Variants in NAV2 observed in about 807,000 individuals in gnomAD.
NAV2 encodes helicase, APC down-regulated 1.
In NAV2, 54 loss-of-function variants were observed where a neutral mutation model predicts 223.2. The observed-to-expected ratio is 0.24, with a 90% CI of 0.19 to 0.30. The LOEUF is 0.30. Among genes scored for constraint, NAV2 ranks in the 10% least tolerant of loss-of-function variants. The pLI, the probability that NAV2 is intolerant of heterozygous loss-of-function variation, is 1.00. For synonymous variants in NAV2, 1,279 were observed against 1,239.3 expected (o/e 1.03, Z -0.67); for missense variants, 2,806 against 3,147.5 (o/e 0.89, Z 2.60).
intron 22 of NAV2, among the ~76,000 whole-genome samples, chr11:20,075,888 A>T (rs7125951): frequency 6.6e-6 from 1 of 150,766 alleles, no homozygotes; most frequent in African/African-American, 2.4e-5. Context: ...CTCCTCCCAT[A>T]TATCCTCTGC....
chr11:19,442,920 G>A (rs1001852363), intron 1 of NAV2, among the ~76,000 whole-genome samples: 8 of 152,116 alleles, frequency 5.3e-5, no homozygotes, highest in East Asian at 1.9e-4. Flanking sequence ...TTCCACCATC[G>A]GGAGAAATGT....
intron 1 of NAV2, among the ~76,000 whole-genome samples, chr11:19,638,948 G>A (rs1314482497): frequency 1.3e-5 from 2 of 152,304 alleles, no homozygotes; most frequent in African/African-American, 4.8e-5. Context: ...AGCTGAGATC[G>A]TGCCACTGCA....
intron 1 of NAV2, among the ~76,000 whole-genome samples, chr11:19,495,886 G>A (rs1590333228): frequency 1.3e-5 from 2 of 152,184 alleles, no homozygotes; most frequent in Admixed American, 1.3e-4. Context: ...ATAAGCAGAT[G>A]TGGGGGTCAG....
chr11:19,654,417 A>C (rs1209568305), intron 1 of NAV2, among the ~76,000 whole-genome samples: 1 of 151,526 alleles, frequency 6.6e-6, no homozygotes, highest in Non-Finnish European at 1.5e-5. Flanking sequence ...GAACCAAAAA[A>C]GAGCCCACAT....
At chr11:20,101,355 G>A (rs530403375) in intron 32 of NAV2, among the ~76,000 whole-genome samples, 183 bp downstream of exon 32, 7 of 152,252 alleles carry the variant, frequency 4.6e-5, no homozygotes, top group Middle Eastern at 3.4e-3. Flanking sequence ...TAAGCTGATC[G>A]AGCTCATTTA....
chr11:19,474,129 G>T lies in NAV2; in HGVS notation c.75+123102G>T, dbSNP rs2632035. Among the ~76,000 whole-genome samples the T allele has an allele frequency of 2.1e-4, 32 of 152,214 alleles. No individual in the cohort carries two copies. In the East Asian group the frequency reaches 5.0e-3, roughly 24 times the overall value. ...AGGGAACCCAAACTAAGAAATTGGG[G>T]TTCTAGCCTATGGAAGAAGTAGAAG... is the stretch of plus-strand genomic sequence containing the variant. On this transcript the variant is annotated intron_variant, in intron 1 of 37. Coordinates refer to the NAV2 transcript ENST00000360655.
rs769138227 is a variant in NAV2 at position 20,105,581 on chromosome 11, G to A, written c.6695G>A (p.Arg2232Gln). 1 of 1,614,058 alleles carries A rather than the reference G, an allele frequency of 6.2e-7. No homozygotes were observed. ...GAGCCTGTGAAGGGTTTCCTTGGCC[G>A]ATTCCTGAGGAGGAAGCTCATGGAA... ...HTEPVKGFLG[R>Q]FLRRKLMETE... Residue 2232 changes from arginine to glutamine, a missense_variant, in exon 35 of 38, where the codon CGA becomes CAA. By Grantham distance (43) the Arg-to-Gln change is conservative. Coordinates refer to ENST00000349880, the MANE Select transcript of NAV2 (RefSeq NM_145117.5).
upstream of NAV2, among the ~76,000 whole-genome samples, chr11:19,709,386 C>CA (rs1056710488): frequency 9.2e-5 from 14 of 151,430 alleles, no homozygotes; most frequent in African/African-American, 2.7e-4. Flanking sequence ...ACTAAAAATA[C>CA]AAAAAATTAG....
rs1425337578 is a variant in NAV2, at chr11:20,095,755, A to G, written c.6000A>G (p.Arg2000=). Residue 2000 remains arginine, a synonymous_variant, in exon 30 of 38, where the codon AGA becomes AGG. Transcript: ENST00000349880. ...GGGATGTGCTCGATGGGGTGGTTAG[A>G]CGGCTGTTCAAAGTAAGTGTTTCAA... ...TKWDVLDGVV[R]RLFKEYIIHV... is the part of the protein sequence containing the mutation. 2.5e-6 allele frequency: 4 copies of G among 1,613,680 alleles called. No homozygotes were observed. The highest frequency in any genetic ancestry group is 2.5e-6 in the Non-Finnish European group (3 of 1,179,624).
chr11:20,036,440 G>A (rs2056381327), intron 12 of NAV2, among the ~76,000 whole-genome samples: 1 of 152,224 alleles, frequency 6.6e-6, no homozygotes, highest in Non-Finnish European at 1.5e-5. Context: ...CCCAGAGTGT[G>A]TGTCTCTTAT....
intron 1 of NAV2, among the ~76,000 whole-genome samples, chr11:19,673,912 C>A (rs1367620378): frequency 2.0e-5 from 3 of 152,206 alleles, no homozygotes; most frequent in African/African-American, 4.8e-5. Flanking sequence ...CCTTTTCCTG[C>A]CCCTTCTCCA....
chr11:19,400,686 C>T (rs192774560), intron 1 of NAV2, among the ~76,000 whole-genome samples: 11 of 152,312 alleles, frequency 7.2e-5, no homozygotes, highest in Non-Finnish European at 1.0e-4. Context: ...CTTCAAGACA[C>T]TACTGTCATC....
At chr11:19,480,626 A>C (rs1402539940) in intron 1 of NAV2, among the ~76,000 whole-genome samples, 1 of 152,236 alleles carries the variant, frequency 6.6e-6, no homozygotes, top group Non-Finnish European at 1.5e-5. Context: ...TCATCATACT[A>C]ATCATGAATG....
chr11:20,089,254 C>T (rs1309815912), intron 26 of NAV2, among the ~76,000 whole-genome samples: 1 of 152,090 alleles, frequency 6.6e-6, no homozygotes, highest in Non-Finnish European at 1.5e-5. Context: ...TGACTGGTAA[C>T]TTTTAAAAAC....
chr11:20,107,848 G>C, intron 36 of NAV2, 66 bp downstream of exon 36: 1 of 1,063,120 alleles, frequency 9.4e-7, no homozygotes, highest in Non-Finnish European at 1.4e-6. Flanking sequence ...CAGATGAGTT[G>C]TCTTTATCTC....
At chr11:19,954,306 C>T (rs1591402219) in intron 10 of NAV2, among the ~76,000 whole-genome samples, 1 of 152,160 alleles carries the variant, frequency 6.6e-6, no homozygotes, top group Admixed American at 6.5e-5. Flanking sequence ...CTGCTGTCTT[C>T]CCTCCTTGGT....
intron 9 of NAV2, among the ~76,000 whole-genome samples, chr11:19,946,854 A>G (rs535367116): frequency 3.9e-5 from 6 of 152,330 alleles, no homozygotes; most frequent in Admixed American, 3.9e-4. Context: ...TGATAAACTG[A>G]ATAGCTTGAA....
chr11:19,784,442 T>A (rs2056965681), intron 1 of NAV2, among the ~76,000 whole-genome samples: 2 of 137,584 alleles, frequency 1.5e-5, no homozygotes, highest in Admixed American at 1.5e-4. Flanking sequence ...AAAAGTGACA[T>A]GAATATTGTA....
intron 1 of NAV2, among the ~76,000 whole-genome samples, chr11:19,568,472 A>G (rs182809469): frequency 6.6e-6 from 1 of 152,182 alleles, no homozygotes; most frequent in South Asian, 2.1e-4. Context: ...CTGGATTGTG[A>G]TTGTGAGTTC....
Sources: allele counts gnomAD v4.1 joint callset (sites outside exome capture counted in the v4.1 genomes callset), GRCh38; gene constraint gnomAD v4.1.1; transcripts MANE v1.5; gene names NCBI Gene and HGNC (gene_info 2026-07-23, HGNC 2026-07-21).